The following TBC1D19 variants were observed in gnomAD, a reference collection of about 807,000 sequenced individuals.
TBC1D19 encodes TBC1 domain family member 19.
TBC1D19 carries 60 observed loss-of-function variants against 89.0 expected under a neutral mutation model. The ratio of observed to expected loss-of-function variants is 0.67; its 90% CI spans 0.55 to 0.84. TBC1D19 has a LOEUF of 0.84. TBC1D19 is among the 40% of genes least tolerant of loss of function. The pLI is 0.00. For missense variants in TBC1D19, 500 were observed against 610.8 expected (o/e 0.82, Z 1.91); for synonymous variants, 189 against 199.7 (o/e 0.95, Z 0.45).
At chr4:26,782,535 A>ATATGTAG in the TBC1D19 span, among the ~76,000 whole-genome samples, 6 of 152,166 alleles carry the variant, frequency 3.9e-5, no homozygotes, top group Non-Finnish European at 7.3e-5. Context: ...TAGACTCTTA[A>ATATGTAG]TTATATGTAG....
intron 19 of TBC1D19, among the ~76,000 whole-genome samples, chr4:26,749,892 A>G (rs1560512172): frequency 6.6e-6 from 1 of 152,176 alleles, no homozygotes; most frequent in Admixed American, 6.5e-5. Context: ...ATTTTTTTAA[A>G]AACCTATACA....
chr4:26,744,088 T>G (rs964750889), intron 18 of TBC1D19, among the ~76,000 whole-genome samples: 3 of 151,832 alleles, frequency 2.0e-5, no homozygotes, highest in African/African-American at 7.2e-5. Context: ...TAGGACTACT[T>G]GGGTTATCTA....
At chr4:26,796,504 A>C in the TBC1D19 span, among the ~76,000 whole-genome samples, 1 of 152,070 alleles carries the variant, frequency 6.6e-6, no homozygotes, top group Non-Finnish European at 1.5e-5. Flanking sequence ...TATTTCTATT[A>C]AGTTGAAGGA....
At chr4:26,699,615 A>G (rs1715135010) in intron 13 of TBC1D19, among the ~76,000 whole-genome samples, 1 of 152,170 alleles carries the variant, frequency 6.6e-6, no homozygotes, top group Admixed American at 6.5e-5. Flanking sequence ...AACCAACCCA[A>G]ATGTCCAACA....
chr4:26,842,846 C>T, the TBC1D19 span, among the ~76,000 whole-genome samples: 2 of 151,888 alleles, frequency 1.3e-5, no homozygotes, highest in African/African-American at 2.4e-5. Flanking sequence ...CATCTCGACA[C>T]ACATTTGTAA....
intron 1 of TBC1D19, among the ~76,000 whole-genome samples, chr4:26,601,033 G>A (rs541914054): frequency 8.7e-4 from 132 of 152,066 alleles, no homozygotes; most frequent in Non-Finnish European, 1.4e-3. Flanking sequence ...CTCATGATAA[G>A]GATATTTCGG....
At chr4:26,761,500 AATCTTTTGTT>A in the TBC1D19 span, among the ~76,000 whole-genome samples, 1 of 152,210 alleles carries the variant, frequency 6.6e-6, no homozygotes, top group Admixed American at 6.6e-5. Flanking sequence ...TTCAATTTCC[AATCTTTTGTT>A]ATTAAAATGT....
chr4:26,705,910 G>A (rs899775468), intron 13 of TBC1D19, among the ~76,000 whole-genome samples: 2 of 151,942 alleles, frequency 1.3e-5, no homozygotes, highest in African/African-American at 2.4e-5. Context: ...TTGTTTGTTT[G>A]TTTGAAAGAC....
At chr4:26,659,833 A>G (rs1007465228) in intron 8 of TBC1D19, 126 bp downstream of exon 8, 1 of 522,688 alleles carries the variant, frequency 1.9e-6, no homozygotes, top group Non-Finnish European at 3.2e-6. Context: ...AGTGACGTTG[A>G]TTCTTTTATT....
chr4:26,838,996 CAG>C, the TBC1D19 span, among the ~76,000 whole-genome samples: 1 of 152,188 alleles, frequency 6.6e-6, no homozygotes, highest in African/African-American at 2.4e-5. Context: ...TAGGTGGAAA[CAG>C]ATGTCATCAT....
the TBC1D19 span, among the ~76,000 whole-genome samples, chr4:26,780,861 G>A: frequency 1.3e-5 from 2 of 152,348 alleles, no homozygotes; most frequent in South Asian, 4.1e-4. Context: ...AATGGAGGAA[G>A]CCTGGCACCT....
intron 9 of TBC1D19, among the ~76,000 whole-genome samples, chr4:26,668,478 A>G (rs2109097749): frequency 6.6e-6 from 1 of 152,116 alleles, no homozygotes; most frequent in East Asian, 1.9e-4. Context: ...CATAGACATA[A>G]GACATAATCT....
chr4:26,778,864 C>T, the TBC1D19 span, among the ~76,000 whole-genome samples: 2 of 152,088 alleles, frequency 1.3e-5, no homozygotes, highest in Non-Finnish European at 2.9e-5. Flanking sequence ...GTATTTTAGG[C>T]TATAATTCTC....
the TBC1D19 span, among the ~76,000 whole-genome samples, chr4:26,827,800 A>G: frequency 6.6e-6 from 1 of 151,040 alleles, no homozygotes; most frequent in Non-Finnish European, 1.5e-5. Context: ...TGCACACTGC[A>G]GCCTCGAACT....
chr4:26,705,217 C>A (rs1235909059), intron 13 of TBC1D19, among the ~76,000 whole-genome samples: 1 of 151,818 alleles, frequency 6.6e-6, no homozygotes, highest in African/African-American at 2.4e-5. Flanking sequence ...TAAATATTTT[C>A]TCCCATTTGT....
the TBC1D19 span, among the ~76,000 whole-genome samples, chr4:26,794,375 A>C: frequency 6.6e-6 from 1 of 152,194 alleles, no homozygotes; most frequent in Non-Finnish European, 1.5e-5. Flanking sequence ...TGAAAGAATA[A>C]ATGAAAATAA....
chr4:26,748,477 GCTTTTA>G lies in TBC1D19; in HGVS notation c.1387_1392del (p.Leu463_Leu464del), dbSNP rs1718771791. On this transcript the variant is annotated inframe_deletion, in exon 19 of 21. Coordinates refer to ENST00000264866, the MANE Select transcript of TBC1D19 (RefSeq NM_018317.4). ...GATACTTAGCTACAGATCAGCTCTTGCTTTTATGGGATAGAATCCTAGGATACAACT... is the reference window on the plus strand; with the variant it reads ...GATACTTAGCTACAGATCAGCTCTTGTGGGATAGAATCCTAGGATACAACT... 6.2e-7 allele frequency: 1 copy of G among 1,613,736 alleles called. No homozygotes were observed. Among genetic ancestry groups the G allele is most frequent in the Admixed American group, 1.7e-5 (1 of 59,996 alleles).
At chr4:26,793,061 C>T in the TBC1D19 span, among the ~76,000 whole-genome samples, 1 of 152,166 alleles carries the variant, frequency 6.6e-6, no homozygotes. Context: ...TAAATACCAA[C>T]ATCTAACAGA....
the TBC1D19 span, among the ~76,000 whole-genome samples, chr4:26,829,059 C>T: frequency 6.6e-6 from 1 of 152,110 alleles, no homozygotes; most frequent in Non-Finnish European, 1.5e-5. Flanking sequence ...TCCACAGATG[C>T]CCAGAACTCA....
Sources: allele counts gnomAD v4.1 joint callset (sites outside exome capture counted in the v4.1 genomes callset), GRCh38; gene constraint gnomAD v4.1.1; transcripts MANE v1.5; gene names NCBI Gene and HGNC (gene_info 2026-07-23, HGNC 2026-07-21).